Variants in SLC25A26 observed in about 807,000 individuals in gnomAD.
SLC25A26 encodes the protein mitochondrial S-adenosylmethionine carrier protein.
A neutral mutation model predicts 37.8 loss-of-function variants in SLC25A26; 36 were observed. That is an observed-to-expected ratio of 0.95 (90% CI 0.73 to 1.26). The LOEUF (loss-of-function observed/expected upper bound fraction) is 1.26. Among genes scored for constraint, SLC25A26 ranks in the 50% most tolerant of loss-of-function variants. The pLI is 0.00. For missense variants in SLC25A26, 390 were observed against 331.1 expected (o/e 1.18, Z -1.38); for synonymous variants, 129 against 122.5 (o/e 1.05, Z -0.35).
At chr3:66,282,010 T>G (rs898202474) in intron 5 of SLC25A26, among the ~76,000 whole-genome samples, 4 of 136,760 alleles carry the variant, frequency 2.9e-5, no homozygotes, top group Non-Finnish European at 6.3e-5. Context: ...TTTTTTTTTT[T>G]TTTTTTTTTT....
intron 1 of SLC25A26, among the ~76,000 whole-genome samples, chr3:66,230,607 C>T (rs1017563552): frequency 3.3e-5 from 5 of 150,944 alleles, no homozygotes; most frequent in African/African-American, 1.2e-4. Flanking sequence ...AGTTCAAGAC[C>T]AGCCTGATCA....
At chr3:66,147,339 T>A (rs529965945) in intron 1 of SLC25A26, among the ~76,000 whole-genome samples, 1 of 151,320 alleles carries the variant, frequency 6.6e-6, no homozygotes, top group African/African-American at 2.4e-5. Flanking sequence ...AATTTTTTAT[T>A]TTTTGTAGAG....
intron 1 of SLC25A26, among the ~76,000 whole-genome samples, chr3:66,204,609 A>T (rs2071154157): frequency 6.6e-6 from 1 of 152,150 alleles, no homozygotes; most frequent in Admixed American, 6.5e-5. Flanking sequence ...CCCCAGAAAA[A>T]GCAAGAACAT....
At chr3:66,256,927 G>C (rs2073327003) in intron 3 of SLC25A26, among the ~76,000 whole-genome samples, 1 of 152,182 alleles carries the variant, frequency 6.6e-6, no homozygotes, top group South Asian at 2.1e-4. Context: ...AAAGTATGGA[G>C]AAGTCATTTC....
chr3:66,318,709 C>T (rs1575558890), intron 5 of SLC25A26, among the ~76,000 whole-genome samples: 1 of 152,032 alleles, frequency 6.6e-6, no homozygotes, highest in South Asian at 2.1e-4. Flanking sequence ...GTCACCCAAG[C>T]TGGAGTGCAC....
chr3:66,267,346 G>A (rs76627068), intron 5 of SLC25A26, among the ~76,000 whole-genome samples: 1 of 152,310 alleles, frequency 6.6e-6, no homozygotes, highest in East Asian at 1.9e-4. Context: ...CAGAATTGGG[G>A]TTTTCATGAC....
chr3:66,180,313 T>A (rs1258544667), intron 1 of SLC25A26, among the ~76,000 whole-genome samples: 1 of 152,218 alleles, frequency 6.6e-6, no homozygotes, highest in Non-Finnish European at 1.5e-5. Flanking sequence ...TGTCTCCCTT[T>A]GACCCCAACC....
chr3:66,150,246 C>T (rs2070179569), intron 1 of SLC25A26, among the ~76,000 whole-genome samples: 1 of 151,714 alleles, frequency 6.6e-6, no homozygotes, highest in Admixed American at 6.6e-5. Context: ...ACCTTTAATC[C>T]CAGTACTTTG....
intron 5 of SLC25A26, among the ~76,000 whole-genome samples, chr3:66,342,879 C>T (rs967461061): frequency 6.6e-6 from 1 of 152,104 alleles, no homozygotes; most frequent in East Asian, 1.9e-4. Context: ...TGCCCTGGGT[C>T]TTAACAACCT....
chr3:66,188,977 C>T (rs1240628901), intron 1 of SLC25A26, among the ~76,000 whole-genome samples: 3 of 152,066 alleles, frequency 2.0e-5, no homozygotes, highest in African/African-American at 4.8e-5. Context: ...TACCTCACAA[C>T]GATGCTGAAC....
chr3:66,372,753 G>C (rs1700414634), intron 9 of SLC25A26, among the ~76,000 whole-genome samples: 1 of 152,150 alleles, frequency 6.6e-6, no homozygotes, highest in East Asian at 1.9e-4. Context: ...AAAAACCTGG[G>C]TGGCTGTTGT....
At chr3:66,256,008 G>A (rs2073287003) in intron 3 of SLC25A26, among the ~76,000 whole-genome samples, 1 of 152,102 alleles carries the variant, frequency 6.6e-6, no homozygotes, top group African/African-American at 2.4e-5. Flanking sequence ...GTAAGAACTT[G>A]GAGGGTTATG....
chr3:66,200,177 A>T (rs904842760), intron 1 of SLC25A26, among the ~76,000 whole-genome samples: 2 of 152,230 alleles, frequency 1.3e-5, no homozygotes, highest in African/African-American at 4.8e-5. Flanking sequence ...TCCCTATGGC[A>T]GTCGATGAAT....
chr3:66,235,360 A>G (rs1431418784), intron 1 of SLC25A26, among the ~76,000 whole-genome samples: 1 of 152,206 alleles, frequency 6.6e-6, no homozygotes, highest in Non-Finnish European at 1.5e-5. Flanking sequence ...TTTAGCAGAA[A>G]TTAATCAGTT....
chr3:66,304,409 G>A, intron 5 of SLC25A26: 1 of 456,046 alleles, frequency 2.2e-6, no homozygotes, highest in Non-Finnish European at 4.4e-6. Context: ...TTTCAGTTTT[G>A]TGTTCACATG....
chr3:66,245,515 A>C lies in SLC25A26; in HGVS notation c.300+2203A>C, dbSNP rs931939827. The stretch of plus-strand genomic sequence containing the variant: ...TGAAGATAAAGGTCTTAAGTTTGTA[A>C]GCCTTTTATCAAATCACACTTTTCT... On this transcript the variant is annotated intron_variant, in intron 3 of 9. Transcript: ENST00000354883. Among the ~76,000 whole-genome samples, 6 of 152,200 alleles carry C rather than the reference A, an allele frequency of 3.9e-5. No individual in the cohort carries two copies. In the South Asian group the frequency reaches 1.0e-3, roughly 26 times the overall value.
chr3:66,253,642 G>A (rs1394173892), intron 3 of SLC25A26, among the ~76,000 whole-genome samples: 1 of 152,028 alleles, frequency 6.6e-6, no homozygotes, highest in African/African-American at 2.4e-5. Flanking sequence ...GACATCTCTC[G>A]GTCTTAGCTC....
chr3:66,316,495 A>C (rs1254234407), intron 5 of SLC25A26, among the ~76,000 whole-genome samples: 1 of 152,102 alleles, frequency 6.6e-6, no homozygotes, highest in Admixed American at 6.5e-5. Context: ...CTCTTAGTCT[A>C]ATGGGCCTCC....
intron 5 of SLC25A26, among the ~76,000 whole-genome samples, chr3:66,277,484 T>C (rs759227402): frequency 7.2e-5 from 11 of 152,060 alleles, no homozygotes; most frequent in Non-Finnish European, 1.6e-4. Flanking sequence ...TTGTCAGTTA[T>C]AGGATCAGCA....
Sources: allele counts gnomAD v4.1 joint callset (sites outside exome capture counted in the v4.1 genomes callset), GRCh38; gene constraint gnomAD v4.1.1; transcripts MANE v1.5; gene names NCBI Gene and HGNC (gene_info 2026-07-23, HGNC 2026-07-21).